ZNF276: variants seen among roughly 807,000 people sequenced by gnomAD.
ZNF276 encodes the protein zinc finger protein 276.
In ZNF276, 59 loss-of-function variants were observed where a neutral mutation model predicts 63.9. That is an observed-to-expected ratio of 0.92 (90% CI 0.75 to 1.15). The LOEUF (loss-of-function observed/expected upper bound fraction) is 1.15, where lower values mean the gene tolerates loss of function less well. Ranked by LOEUF, ZNF276 falls within the 50% of genes most tolerant of loss-of-function variation. ZNF276 has a pLI of 0.00. For synonymous variants in ZNF276, 496 were observed against 348.4 expected (o/e 1.42, Z -4.72); for missense variants, 1,084 against 843.8 (o/e 1.28, Z -3.53).
chr16:89,721,780 C>A lies in ZNF276; in HGVS notation c.140C>A (p.Ala47Glu). ...GGGCCGAGGGTGGACGGGGCGACGG[C>A]GCGGCGCGCCTGGGGCCCGGTGGGG... is the stretch of plus-strand genomic sequence containing the variant. ...SGGPRVDGAT[A>E]RRAWGPVGSC... Residue 47 changes from alanine to glutamate, a missense_variant, in exon 1 of 11, where the codon GCG becomes GAG. Physicochemically the swap from Ala to Glu is moderately radical, Grantham distance 107. Coordinates refer to ENST00000443381, the MANE Select transcript of ZNF276 (RefSeq NM_001113525.2). 1 of 1,261,242 alleles carries A rather than the reference C, an allele frequency of 7.9e-7. No individual in the cohort carries two copies. Among genetic ancestry groups the A allele is most frequent in the African/African-American group, 1.6e-5 (1 of 64,248 alleles). 78.1% of individuals were successfully genotyped at this position (1,261,242 alleles called of 1,614,324 possible).
In ZNF276 at chr16:89,722,728, G is replaced by A. The variant is rs906492836; in HGVS notation, c.403G>A (p.Val135Ile). 1.9e-6 allele frequency: 3 copies of A among 1,612,148 alleles called. No individual in the cohort carries two copies. Among genetic ancestry groups the A allele is most frequent in the Non-Finnish European group, 2.5e-6 (3 of 1,180,032 alleles). Residue 135 changes from valine (V) to isoleucine (I), a missense_variant, in exon 2 of 11, where the codon GTC becomes ATC. Coordinates refer to ENST00000443381, the MANE Select transcript of ZNF276 (RefSeq NM_001113525.2). ...VRQDPTLSPF[V>I]CKSCHAQFYQ... ...CCAGGACCCCACCTTGTCTCCGTTT[G>A]TCTGCAAGAGCTGCCACGCCCAGTT...
intron 5 of ZNF276, among the ~76,000 whole-genome samples, chr16:89,728,434 C>T (rs1057386186): frequency 7.3e-5 from 11 of 151,406 alleles, no homozygotes; most frequent in South Asian, 4.2e-4. Flanking sequence ...GACGGAGTCT[C>T]GCTGTGTTGC....
chr16:89,720,583 G>C, upstream of ZNF276: 4 of 1,219,598 alleles, frequency 3.3e-6, no homozygotes, highest in East Asian at 1.1e-4. Flanking sequence ...GCTGTCCAAG[G>C]TCACTGCACG....
rs887377507 is a variant in ZNF276 at position 89,739,490 on chromosome 16, A to G, written c.*1244A>G. 1 of 1,551,278 alleles carries G rather than the reference A, an allele frequency of 6.4e-7. No individual in the cohort carries two copies. The highest frequency in any genetic ancestry group is 8.7e-7 in the Non-Finnish European group (1 of 1,147,246). ...TGGGTGGAGGTACCTGTAAAAAGCG[A>G]AAGGCAGCAGCCTGGTGTGCTGATC... On this transcript the variant is annotated 3_prime_UTR_variant, in exon 11 of 11. Coordinates refer to ENST00000443381, the MANE Select transcript of ZNF276 (RefSeq NM_001113525.2).
intron 4 of ZNF276, 40 bp downstream of exon 4, chr16:89,723,749 G>A (rs1567565785): frequency 6.4e-7 from 1 of 1,574,706 alleles, no homozygotes; most frequent in South Asian, 1.1e-5. Flanking sequence ...CAGGATGTGT[G>A]CTCCTCAGTG....
In ZNF276 at chr16:89,738,089, T is replaced by G; in HGVS notation, c.1688T>G (p.Phe563Cys). Reference protein sequence around the residue: ...DFACDQCGRRFEKAHNLNVHM... With the variant: ...DFACDQCGRRCEKAHNLNVHM... ...GCCTGTGACCAGTGTGGCCGGCGGT[T>G]TGAGAAGGCCCACAACCTCAATGTA... Residue 563 changes from phenylalanine (F) to cysteine (C), a missense_variant, in exon 11 of 11, where the codon TTT becomes TGT. Phe to Cys is a radical substitution (Grantham distance 205). Coordinates refer to ENST00000443381, the MANE Select transcript of ZNF276 (RefSeq NM_001113525.2). 1 of 1,614,064 alleles carries G rather than the reference T, an allele frequency of 6.2e-7. No individual in the cohort carries two copies. The highest frequency in any genetic ancestry group is 8.5e-7 in the Non-Finnish European group (1 of 1,180,036).
At chr16:89,729,186 T>A in intron 5 of ZNF276, 49 bp from the exon 6 acceptor site, 1 of 1,535,318 alleles carries the variant, frequency 6.5e-7, no homozygotes, top group Non-Finnish European at 9.0e-7. Flanking sequence ...GTTGGGTCTG[T>A]CACTGCCCAG....
chr16:89,727,046 C>T (rs1044568916), intron 4 of ZNF276, among the ~76,000 whole-genome samples: 7 of 152,166 alleles, frequency 4.6e-5, no homozygotes, highest in Non-Finnish European at 1.0e-4. Flanking sequence ...TTCTGCTGTT[C>T]CTGAGGGTTC....
At chr16:89,728,458 C>T (rs1199711277) in intron 5 of ZNF276, among the ~76,000 whole-genome samples, 5 of 152,036 alleles carry the variant, frequency 3.3e-5, no homozygotes, top group African/African-American at 1.2e-4. Context: ...GGCTGGAGTG[C>T]AGTGGCACAA....
chr16:89,727,027 GC>G (rs1351729246), intron 4 of ZNF276, among the ~76,000 whole-genome samples: 1 of 152,242 alleles, frequency 6.6e-6, no homozygotes, highest in East Asian at 1.9e-4. Context: ...GAAGGACTGG[GC>G]TTTCTGGTTC....
Position 89,738,736 on chromosome 16 carries a change from C to T in ZNF276, c.*490C>T. 6.2e-7 allele frequency: 1 copy of T among 1,613,140 alleles called. No homozygotes were observed. Among genetic ancestry groups the T allele is most frequent in the Non-Finnish European group, 8.5e-7 (1 of 1,179,624 alleles). ...GTGAGAGAGGAGCAGGTCCTCAGCC[C>T]ATGCCGCCCACTAGGCCTCAGACCA... On this transcript the variant is annotated 3_prime_UTR_variant, in exon 11 of 11. Coordinates refer to ENST00000443381, the MANE Select transcript of ZNF276 (RefSeq NM_001113525.2).
chr16:89,721,871 G>C (rs945362268), intron 1 of ZNF276, 26 bp downstream of exon 1: 5 of 1,196,558 alleles, frequency 4.2e-6, no homozygotes, highest in Non-Finnish European at 5.2e-6. Context: ...GGGCGTGGCG[G>C]GTTGGGGTCG....
chr16:89,734,707 G>C (rs1274439009), intron 9 of ZNF276, among the ~76,000 whole-genome samples: 2 of 152,214 alleles, frequency 1.3e-5, no homozygotes, highest in African/African-American at 4.8e-5. Flanking sequence ...GGAGGCACGT[G>C]TGGTTCTGCC....
intron 4 of ZNF276, among the ~76,000 whole-genome samples, chr16:89,726,739 G>T (rs1434128889): frequency 1.3e-5 from 2 of 151,598 alleles, no homozygotes; most frequent in African/African-American, 4.9e-5. Flanking sequence ...TCTGCCTCCC[G>T]GGTTCAAGCG....
At chr16:89,731,502 C>G (rs908769659) in intron 6 of ZNF276, 7 of 152,302 alleles carry the variant, frequency 4.6e-5, no homozygotes, top group African/African-American at 1.7e-4. Context: ...ATCCGCCCGC[C>G]TCAGCCTGCC....
rs376923518 is a variant in ZNF276 at position 89,735,543 on chromosome 16, C to T, written c.1474+1505C>T. Among the ~76,000 whole-genome samples the T allele has an allele frequency of 1.2e-4, 18 of 152,134 alleles. No individual in the cohort carries two copies. The East Asian group carries it at 1.7e-3, about 15-fold the overall frequency. On this transcript the variant is annotated intron_variant, in intron 9 of 10. Coordinates refer to ENST00000443381, the MANE Select transcript of ZNF276 (RefSeq NM_001113525.2). ...TGGTCCTTCAGACTCTGCATCTGTC[C>T]GGTCACTGATGGTCACAACCAGCAG... is the stretch of plus-strand genomic sequence containing the variant.
intron 4 of ZNF276, among the ~76,000 whole-genome samples, chr16:89,724,814 GTATC>G (rs368824775): frequency 3.1e-4 from 43 of 138,412 alleles, no homozygotes; most frequent in Middle Eastern, 4.1e-3. Context: ...ATCTATCTGT[GTATC>G]TATCTACCTA....
In ZNF276 at chr16:89,739,488, C is replaced by T. The variant is rs925649874; in HGVS notation, c.*1242C>T. On this transcript the variant is annotated 3_prime_UTR_variant, in exon 11 of 11. Transcript: ENST00000443381. ...TGTGGGTGGAGGTACCTGTAAAAAG[C>T]GAAAGGCAGCAGCCTGGTGTGCTGA... is the stretch of plus-strand genomic sequence containing the variant. The T allele has an allele frequency of 4.1e-5, 64 of 1,551,092 alleles. No individual in the cohort carries two copies. Among genetic ancestry groups the T allele is most frequent in the East Asian group, 3.7e-4 (15 of 40,992 alleles).
At chr16:89,737,037 C>T (rs1598037497) in intron 9 of ZNF276, among the ~76,000 whole-genome samples, 1 of 152,172 alleles carries the variant, frequency 6.6e-6, no homozygotes, top group South Asian at 2.1e-4. Flanking sequence ...TGCATGTCCA[C>T]ATGTGGCATT....
Sources: gnomAD v4.1 joint callset for allele counts (sites outside exome capture counted in the v4.1 genomes callset) on GRCh38, gnomAD v4.1.1 for gene constraint, MANE v1.5 for transcripts, NCBI Gene and HGNC (gene_info 2026-07-23, HGNC 2026-07-21) for gene names.